Variants in CA10 observed in about 807,000 individuals in gnomAD.
CA10 encodes the protein carbonic anhydrase-related protein 10.
CA10 carries 14 observed loss-of-function variants against 44.2 expected under a neutral mutation model. That is an observed-to-expected ratio of 0.32 (90% CI 0.21 to 0.50). The LOEUF (loss-of-function observed/expected upper bound fraction) is 0.50. Among genes scored for constraint, CA10 ranks in the 20% least tolerant of loss-of-function variants. The pLI, the probability that CA10 is intolerant of heterozygous loss-of-function variation, is 0.99. For synonymous variants in CA10, 159 were observed against 141.6 expected (o/e 1.12, Z -0.87); for missense variants, 350 against 409.7 (o/e 0.85, Z 1.26).
intron 1 of CA10, among the ~76,000 whole-genome samples, chr17:52,094,072 C>T (rs1195721610): frequency 6.6e-6 from 1 of 152,084 alleles, no homozygotes; most frequent in Non-Finnish European, 1.5e-5. Flanking sequence ...CATGTTCTCA[C>T]TCATAAGTGG....
At chr17:51,826,000 TTG>T (rs914478340) in intron 3 of CA10, among the ~76,000 whole-genome samples, 2 of 152,254 alleles carry the variant, frequency 1.3e-5, no homozygotes, top group African/African-American at 4.8e-5. Context: ...TCTTAATACA[TTG>T]TGTGTATTTC....
At chr17:51,731,191 A>C (rs1204814986) in intron 4 of CA10, among the ~76,000 whole-genome samples, 1 of 152,188 alleles carries the variant, frequency 6.6e-6, no homozygotes, top group Non-Finnish European at 1.5e-5. Context: ...ATCGTGGCCA[A>C]CATGGTGAAA....
intron 1 of CA10, among the ~76,000 whole-genome samples, chr17:52,100,872 G>A (rs1479553639): frequency 6.6e-6 from 1 of 152,154 alleles, no homozygotes; most frequent in Non-Finnish European, 1.5e-5. Context: ...TTCTTGTACT[G>A]TATTATAGCT....
intron 3 of CA10, among the ~76,000 whole-genome samples, chr17:51,816,230 G>T (rs2143750914): frequency 6.6e-6 from 1 of 152,218 alleles, no homozygotes; most frequent in East Asian, 1.9e-4. Flanking sequence ...ATCCATGTTG[G>T]TGCAATTGAC....
chr17:52,064,925 G>A (rs769959369), intron 2 of CA10, among the ~76,000 whole-genome samples: 3 of 152,182 alleles, frequency 2.0e-5, no homozygotes, highest in Non-Finnish European at 1.5e-5. Context: ...CTGCTTCCCA[G>A]ATCTCAGAGG....
At chr17:52,146,858 C>T (rs1194631924) in intron 1 of CA10, among the ~76,000 whole-genome samples, 1 of 151,982 alleles carries the variant, frequency 6.6e-6, no homozygotes, top group African/African-American at 2.4e-5. Flanking sequence ...CTTTGGAAAC[C>T]ATAGGAGGTA....
At chr17:52,021,395 C>A (rs573594816) in intron 2 of CA10, among the ~76,000 whole-genome samples, 16 of 152,164 alleles carry the variant, frequency 1.1e-4, no homozygotes, top group Admixed American at 5.9e-4. Flanking sequence ...AACTGCTTTC[C>A]ACAGTAGTTG....
In CA10 at chr17:51,889,810, A is replaced by C. The variant is rs1014536199; in HGVS notation, c.279+41180T>G. ...ATGTATGAAAACAAGGTTTCCATCA[A>C]AGGTAACAAAACAAATGACCAAAAG... On this transcript the variant is annotated intron_variant, in intron 3 of 8. Coordinates refer to ENST00000451037, the MANE Select transcript of CA10 (RefSeq NM_020178.5). Among the ~76,000 whole-genome samples the C allele has an allele frequency of 2.0e-5, 3 of 152,226 alleles. No homozygotes were observed. In the East Asian group the frequency reaches 5.8e-4, roughly 29 times the overall value.
intron 1 of CA10, among the ~76,000 whole-genome samples, chr17:52,109,237 T>C (rs1394925223): frequency 6.6e-6 from 1 of 152,232 alleles, no homozygotes; most frequent in Non-Finnish European, 1.5e-5. Context: ...TACTATTTTC[T>C]GATATTTAAA....
chr17:51,819,056 G>C (rs1157501524), intron 3 of CA10, among the ~76,000 whole-genome samples: 1 of 152,126 alleles, frequency 6.6e-6, no homozygotes, highest in Non-Finnish European at 1.5e-5. Context: ...TAAAAAGGAT[G>C]CTAAAAAAAC....
intron 3 of CA10, among the ~76,000 whole-genome samples, chr17:51,876,160 G>GTTTTTTTTT (rs3033579): frequency 1.7e-5 from 1 of 59,762 alleles, no homozygotes; most frequent in Admixed American, 2.5e-4. Context: ...TTCTTCTCTC[G>GTTTTTTTTT]TTTTTTTTTT....
chr17:51,698,637 T>C (rs1915482447), intron 4 of CA10, among the ~76,000 whole-genome samples: 1 of 152,228 alleles, frequency 6.6e-6, no homozygotes, highest in African/African-American at 2.4e-5. Context: ...TTAACTGTTG[T>C]CACTTATAGT....
At chr17:51,986,111 A>G (rs1186721414) in intron 2 of CA10, among the ~76,000 whole-genome samples, 3 of 152,106 alleles carry the variant, frequency 2.0e-5, no homozygotes, top group Non-Finnish European at 4.4e-5. Context: ...AGACTATACT[A>G]TAAGGCAACA....
intron 3 of CA10, among the ~76,000 whole-genome samples, chr17:51,924,536 T>C (rs940162111): frequency 2.0e-5 from 3 of 152,184 alleles, no homozygotes; most frequent in Non-Finnish European, 4.4e-5. Context: ...TCCATTTGGA[T>C]CCATCTTTAC....
In CA10 at chr17:51,820,484, A is replaced by C. The variant is rs1278273820; in HGVS notation, c.280-72666T>G. 3.0e-5 allele frequency among the ~76,000 whole-genome samples: 4 copies of C among 132,496 alleles called. No homozygotes were observed. In the Admixed American group the frequency reaches 3.7e-4, roughly 12 times the overall value. 86.9% of individuals were successfully genotyped at this position (132,496 alleles called of 152,430 possible). On this transcript the variant is annotated intron_variant, in intron 3 of 8. Transcript: ENST00000451037. Reference sequence around the variant, plus strand: ...AACCTGTTCTCTCTTTCTATCAGATAGTCTTTTTATTGAGAAAGTTCTTTC... The same window carrying C: ...AACCTGTTCTCTCTTTCTATCAGATCGTCTTTTTATTGAGAAAGTTCTTTC...
At chr17:52,063,643 T>C (rs948909339) in intron 2 of CA10, among the ~76,000 whole-genome samples, 28 of 152,220 alleles carry the variant, frequency 1.8e-4, no homozygotes, top group African/African-American at 6.5e-4. Context: ...TCTCACCATG[T>C]GATCTTTGTA....
intron 3 of CA10, among the ~76,000 whole-genome samples, chr17:51,820,709 C>G (rs1907748273): frequency 6.6e-6 from 1 of 151,906 alleles, no homozygotes. Flanking sequence ...GCAATTGGCT[C>G]TAGATTCTTG....
chr17:51,761,940 C>T (rs1905226661), intron 3 of CA10: 1 of 152,288 alleles, frequency 6.6e-6, no homozygotes, highest in African/African-American at 2.4e-5. Flanking sequence ...TTTCTAGAAA[C>T]TGCATGCATC....
rs186039412 is a variant in CA10 at position 52,072,458 on chromosome 17, G to T, written c.62-65C>A. On this transcript the variant is annotated intron_variant, in intron 1 of 8. Transcript: ENST00000451037. ...GAGAAGCACTGTGTCCCGGCTGTCC[G>T]AGTAAGAAGGGTGAATATCCATAAA... The T allele has an allele frequency of 1.5e-3, 1,727 of 1,163,832 alleles. 1 individual carries two copies. Among genetic ancestry groups the T allele is most frequent in the Middle Eastern group, 2.9e-3 (15 of 5,154 alleles). 72.1% of individuals were successfully genotyped at this position (1,163,832 alleles called of 1,614,324 possible). A position where few individuals can be genotyped will look rare whatever the true frequency, so the allele number is the denominator to read the frequency against.
Sources: allele counts gnomAD v4.1 joint callset (sites outside exome capture counted in the v4.1 genomes callset), GRCh38; gene constraint gnomAD v4.1.1; transcripts MANE v1.5; gene names NCBI Gene and HGNC (gene_info 2026-07-23, HGNC 2026-07-21).